The following PDE6D variants were observed in gnomAD, a reference collection of about 807,000 sequenced individuals.
PDE6D encodes retinal rod rhodopsin-sensitive cGMP 3',5'-cyclic phosphodiesterase subunit delta.
A neutral mutation model predicts 21.9 loss-of-function variants in PDE6D; 10 were observed. The observed-to-expected ratio is 0.46, with a 90% CI of 0.28 to 0.78. The LOEUF is 0.78. Ranked by LOEUF, PDE6D falls within the 30% of genes least tolerant of loss-of-function variation. The pLI is 0.12. For missense variants in PDE6D, 139 were observed against 184.8 expected (o/e 0.75, Z 1.44); for synonymous variants, 59 against 63.5 (o/e 0.93, Z 0.34).
At chr2:231,738,831 G>A (rs1384342429) in intron 2 of PDE6D, among the ~76,000 whole-genome samples, 3 of 148,846 alleles carry the variant, frequency 2.0e-5, no homozygotes, top group Non-Finnish European at 4.4e-5. Context: ...CATGAAAATC[G>A]CTGGAACCTG....
At chr2:231,780,013 C>T (rs1378805582) in intron 1 of PDE6D, among the ~76,000 whole-genome samples, 5 of 152,180 alleles carry the variant, frequency 3.3e-5, no homozygotes, top group Non-Finnish European at 7.3e-5. Flanking sequence ...AACGTTCGTA[C>T]TATAGATTAC....
intron 1 of PDE6D, among the ~76,000 whole-genome samples, chr2:231,777,588 G>A (rs149904339): frequency 2.0e-5 from 3 of 151,992 alleles, no homozygotes; most frequent in Non-Finnish European, 4.4e-5. Context: ...CCATTCTATT[G>A]TAAACTATAC....
At chr2:231,744,439 T>C (rs959716968) in intron 1 of PDE6D, among the ~76,000 whole-genome samples, 23 of 151,486 alleles carry the variant, frequency 1.5e-4, no homozygotes, top group Admixed American at 1.1e-3. Flanking sequence ...CTTTTCTTTT[T>C]TTTTTTTTTT....
chr2:231,757,102 G>A (rs1223519197), intron 1 of PDE6D, among the ~76,000 whole-genome samples: 1 of 151,788 alleles, frequency 6.6e-6, no homozygotes, highest in African/African-American at 2.4e-5. Context: ...GGGGCTACAG[G>A]TGTGTGCCAC....
chr2:231,760,934 T>C (rs1311474973), intron 1 of PDE6D, among the ~76,000 whole-genome samples: 1 of 152,198 alleles, frequency 6.6e-6, no homozygotes, highest in Non-Finnish European at 1.5e-5. Flanking sequence ...ATAAAGGTGA[T>C]AAAGCCCTAA....
chr2:231,777,086 G>A (rs1427657844), intron 1 of PDE6D, among the ~76,000 whole-genome samples: 3 of 152,142 alleles, frequency 2.0e-5, no homozygotes, highest in Non-Finnish European at 2.9e-5. Context: ...CCTAGTCAAC[G>A]TGGAAAACTG....
At position 231,737,230 on chromosome 2, in the gene PDE6D, C is replaced by T. The variant is rs1023549002; in HGVS notation, c.328G>A (p.Glu110Lys). 15 of 1,613,006 alleles carry T rather than the reference C, an allele frequency of 9.3e-6. No individual in the cohort carries two copies. The highest frequency in any genetic ancestry group is 1.7e-5 in the Admixed American group (1 of 59,980). The part of the protein sequence containing the change: ...NSTNTWQSLI[E>K]AAPESQMMPA... Reference sequence around the variant, plus strand: ...ATCATCTGGGACTCGGGTGCTGCCTCTATCAAGGACTGCCAGGTATTTGTG... The same window carrying T: ...ATCATCTGGGACTCGGGTGCTGCCTTTATCAAGGACTGCCAGGTATTTGTG... Residue 110 changes from glutamate to lysine, a missense_variant, in exon 4 of 5, where the codon GAG (glutamate) becomes AAG (lysine). By Grantham distance (56) the Glu-to-Lys change is moderately conservative (BLOSUM62 1). Coordinates refer to ENST00000287600, the MANE Select transcript of PDE6D (RefSeq NM_002601.4).
intron 4 of PDE6D, 87 bp downstream of exon 4, chr2:231,737,100 G>A (rs1044264532): frequency 1.8e-5 from 13 of 705,438 alleles, no homozygotes; most frequent in African/African-American, 1.6e-4. Context: ...CGAGCTCTCT[G>A]CCCACTGAAT....
intron 1 of PDE6D, chr2:231,779,558 T>G (rs1430840943): frequency 2.0e-5 from 3 of 152,240 alleles, no homozygotes; most frequent in East Asian, 1.9e-4. Flanking sequence ...TAGTATAAAT[T>G]ATTTGAGGGA....
intron 1 of PDE6D, among the ~76,000 whole-genome samples, chr2:231,777,545 G>T (rs1176014898): frequency 6.6e-6 from 1 of 152,134 alleles, no homozygotes; most frequent in South Asian, 2.1e-4. Context: ...TATTTGTAGG[G>T]ACCTTAAACA....
intron 1 of PDE6D, 33 bp downstream of exon 1, chr2:231,781,032 C>T (rs1294020961): frequency 6.3e-7 from 1 of 1,599,158 alleles, no homozygotes; most frequent in Admixed American, 1.7e-5. Flanking sequence ...CCTCCCAAGT[C>T]CTCCCGGCCC....
intron 1 of PDE6D, among the ~76,000 whole-genome samples, chr2:231,746,760 G>A (rs2048796885): frequency 6.6e-6 from 1 of 151,972 alleles, no homozygotes; most frequent in African/African-American, 2.4e-5. Flanking sequence ...AAAGAAACAC[G>A]GGGGACACAC....
chr2:231,734,634 G>T (rs1191939410), intron 4 of PDE6D, among the ~76,000 whole-genome samples: 1 of 151,144 alleles, frequency 6.6e-6, no homozygotes. Flanking sequence ...GAGGTCAGGA[G>T]ATCGAGACCA....
chr2:231,764,015 C>G (rs2048951644), intron 1 of PDE6D, among the ~76,000 whole-genome samples: 2 of 151,830 alleles, frequency 1.3e-5, no homozygotes, highest in Non-Finnish European at 2.9e-5. Flanking sequence ...AAGTAAAACC[C>G]CGATTCTTTT....
chr2:231,748,966 C>A (rs925957717), intron 1 of PDE6D, among the ~76,000 whole-genome samples: 1 of 152,198 alleles, frequency 6.6e-6, no homozygotes, highest in African/African-American at 2.4e-5. Flanking sequence ...GCTACAGAGG[C>A]AGGGCCCTCA....
chr2:231,755,648 C>T (rs564417577), intron 1 of PDE6D, among the ~76,000 whole-genome samples: 28 of 151,856 alleles, frequency 1.8e-4, no homozygotes, highest in Admixed American at 3.9e-4. Context: ...TGGCTGGGCA[C>T]GGTGGCTCAT....
At chr2:231,752,830 A>ATT (rs2048851561) in intron 1 of PDE6D, among the ~76,000 whole-genome samples, 1 of 115,578 alleles carries the variant, frequency 8.7e-6, no homozygotes, top group African/African-American at 3.4e-5. Flanking sequence ...GAGAGATTTG[A>ATT]GTTTTTTTTT....
At chr2:231,772,825 T>G (rs1050574518) in intron 1 of PDE6D, among the ~76,000 whole-genome samples, 1 of 152,242 alleles carries the variant, frequency 6.6e-6, no homozygotes. Flanking sequence ...CTGTAATGTT[T>G]CATTATAAAC....
chr2:231,748,097 G>C (rs2048809176), intron 1 of PDE6D, among the ~76,000 whole-genome samples: 1 of 152,124 alleles, frequency 6.6e-6, no homozygotes, highest in African/African-American at 2.4e-5. Context: ...TGGGGGCGTT[G>C]CTGAAAAGAT....
Sources: gnomAD v4.1 joint callset for allele counts (sites outside exome capture counted in the v4.1 genomes callset) on GRCh38, gnomAD v4.1.1 for gene constraint, MANE v1.5 for transcripts, NCBI Gene and HGNC (gene_info 2026-07-23, HGNC 2026-07-21) for gene names.